CEP170: variants seen among roughly 807,000 people sequenced by gnomAD.
The protein encoded by CEP170 is centrosomal protein 170, also known as centrosomal protein of 170 kDa.
A neutral mutation model predicts 151.9 loss-of-function variants in CEP170; 21 were observed. That is an observed-to-expected ratio of 0.14 (90% confidence interval 0.10 to 0.20). CEP170 has a LOEUF of 0.20. Among genes scored for constraint, CEP170 ranks in the 10% least tolerant of loss-of-function variants. The pLI, the probability that CEP170 is intolerant of heterozygous loss-of-function variation, is 1.00. For missense variants in CEP170, 964 were observed against 1,892.9 expected (o/e 0.51, Z 9.11); for synonymous variants, 356 against 648.8 (o/e 0.55, Z 6.86).
chr1:243,151,125 G>T (rs866935599), intron 14 of CEP170, among the ~76,000 whole-genome samples: 1 of 152,234 alleles, frequency 6.6e-6, no homozygotes, highest in Non-Finnish European at 1.5e-5. Context: ...ACAACGATGA[G>T]TCTAGCCCTC....
intron 1 of CEP170, among the ~76,000 whole-genome samples, chr1:243,252,177 T>C (rs1317500839): frequency 6.6e-6 from 1 of 152,182 alleles, no homozygotes; most frequent in Non-Finnish European, 1.5e-5. Flanking sequence ...ATTCTTCAAA[T>C]GGCACGTAAC....
rs748963035 is a variant in CEP170, at chr1:243,165,613, G to T, written c.2347C>A (p.Gln783Lys). 3.6e-5 allele frequency: 58 copies of T among 1,613,842 alleles called. No individual in the cohort carries two copies. In the Admixed American group the frequency reaches 7.8e-4, roughly 22 times the overall value. Residue 783 changes from glutamine (Q) to lysine (K), a missense_variant, in exon 13 of 20, where the codon CAA (glutamine) becomes AAA (lysine). Coordinates refer to ENST00000366542, the MANE Select transcript of CEP170 (RefSeq NM_014812.3). ...TDKCREETFKQESQPPEKNSG... is the reference protein window; with the variant it reads ...TDKCREETFKKESQPPEKNSG... ...TTTTTTTCTGGAGGTTGTGATTCTT[G>T]TTTAAAAGTTTCCTCCCTACATTTA...
intron 1 of CEP170, among the ~76,000 whole-genome samples, chr1:243,239,455 T>C (rs1342788350): frequency 1.3e-5 from 2 of 152,182 alleles, no homozygotes; most frequent in Non-Finnish European, 2.9e-5. Flanking sequence ...TATCCAGCTA[T>C]CAAAATTACA....
rs141402228 is a variant in CEP170 at position 243,219,064 on chromosome 1, T to C, written c.195+2660A>G. Among the ~76,000 whole-genome samples the C allele has an allele frequency of 2.5e-3, 384 of 152,350 alleles. 4 individuals carry two copies. The highest frequency in any genetic ancestry group is 8.8e-3 in the African/African-American group (366 of 41,586). ...AAAATGCATGATAGTTGGTAGTTCA[T>C]AGACTTTTGACATTTTTTGGCTGCT... On this transcript the variant is annotated intron_variant, in intron 3 of 19. Transcript: ENST00000366542.
chr1:243,159,581 A>AT (rs1482587179), intron 13 of CEP170, among the ~76,000 whole-genome samples: 1 of 152,096 alleles, frequency 6.6e-6, no homozygotes, highest in African/African-American at 2.4e-5. Context: ...ATTTCATAAA[A>AT]TTTTAGAAGA....
intron 3 of CEP170, among the ~76,000 whole-genome samples, chr1:243,215,854 A>C (rs1216994492): frequency 6.6e-6 from 1 of 152,084 alleles, no homozygotes; most frequent in Non-Finnish European, 1.5e-5. Context: ...GCATCACGGA[A>C]CCTGCTGACG....
At chr1:243,153,871 A>C (rs997514656) in intron 14 of CEP170, among the ~76,000 whole-genome samples, 1 of 152,212 alleles carries the variant, frequency 6.6e-6, no homozygotes, top group Admixed American at 6.5e-5. Context: ...TTATCTGTAA[A>C]GCTGGTATTG....
intron 7 of CEP170, among the ~76,000 whole-genome samples, chr1:243,198,335 A>G (rs778477242): frequency 1.3e-5 from 2 of 152,128 alleles, no homozygotes; most frequent in African/African-American, 2.4e-5. Flanking sequence ...AGAAATATCA[A>G]AAATGTGTTC....
chr1:243,221,763 C>G lies in CEP170; in HGVS notation c.156G>C (p.Thr52=). 2 of 1,613,016 alleles carry G rather than the reference C, an allele frequency of 1.2e-6. No individual in the cohort carries two copies. Among genetic ancestry groups the G allele is most frequent in the Non-Finnish European group, 1.7e-6 (2 of 1,179,508 alleles). ...CCAAATCCTTCACTAAATGCTCATC[C>G]GTAGACGCATCATAGTTGATGACAG... ...QHAVINYDAS[T]DEHLVKDLGS... Residue 52 remains threonine, a synonymous_variant, in exon 3 of 20, where the codon ACG becomes ACC. Transcript: ENST00000366542.
At chr1:243,180,697 C>G (rs2059566655) in intron 10 of CEP170, among the ~76,000 whole-genome samples, 1 of 152,166 alleles carries the variant, frequency 6.6e-6, no homozygotes, top group Non-Finnish European at 1.5e-5. Flanking sequence ...CTTGCTGTGA[C>G]TTTCAGGGTT....
intron 14 of CEP170, among the ~76,000 whole-genome samples, chr1:243,143,622 G>A (rs1796846): frequency 0.61 from 92,445 of 151,186 alleles, 30,028 homozygotes; most frequent in African/African-American, 0.85. Flanking sequence ...CCATAAACTC[G>A]ATGTGGCTAT....
intron 14 of CEP170, among the ~76,000 whole-genome samples, chr1:243,152,035 C>T (rs2057132120): frequency 6.6e-6 from 1 of 152,142 alleles, no homozygotes; most frequent in Non-Finnish European, 1.5e-5. Flanking sequence ...GTGTGGTTTA[C>T]TAAATATTTT....
At chr1:243,182,867 T>C (rs2059711581) in intron 10 of CEP170, among the ~76,000 whole-genome samples, 1 of 152,210 alleles carries the variant, frequency 6.6e-6, no homozygotes, top group Non-Finnish European at 1.5e-5. Context: ...CATTTGTTTG[T>C]GTCTCTTTCC....
intron 1 of CEP170, among the ~76,000 whole-genome samples, chr1:243,228,903 A>G (rs1470835796): frequency 6.6e-6 from 1 of 152,234 alleles, no homozygotes; most frequent in African/African-American, 2.4e-5. Flanking sequence ...GAAAAATACA[A>G]ACAAAACACA....
chr1:243,127,313 A>G (rs2053816576), intron 19 of CEP170, among the ~76,000 whole-genome samples: 1 of 152,214 alleles, frequency 6.6e-6, no homozygotes, highest in Non-Finnish European at 1.5e-5. Flanking sequence ...TGCAAAGCCA[A>G]ACAGACTTGC....
chr1:243,159,772 T>TGTGTGTGTGTGTGTGTGTGTGTGTGTGG (rs1279724838), intron 13 of CEP170, among the ~76,000 whole-genome samples: 3 of 149,662 alleles, frequency 2.0e-5, no homozygotes, highest in Non-Finnish European at 4.5e-5. Context: ...TTTGTGTGTG[T>TGTGTGTGTGTGTGTGTGTGTGTGTGTGG]GTGTGTGTGT....
rs531297648 is a variant in CEP170 at position 243,189,763 on chromosome 1, G to A, written c.1108+1255C>T. Among the ~76,000 whole-genome samples the A allele has an allele frequency of 2.6e-5, 4 of 151,992 alleles. No homozygotes were observed. In the South Asian group the frequency reaches 6.2e-4, roughly 24 times the overall value. ...TCAAGGTTCAGCTACCTCTTATACT[G>A]TACTAGGAGATCAATATTATTTATC... On this transcript the variant is annotated intron_variant, in intron 8 of 19. Coordinates refer to ENST00000366542, the MANE Select transcript of CEP170 (RefSeq NM_014812.3).
intron 1 of CEP170, chr1:243,253,306 A>T (rs1440128075): frequency 2.0e-5 from 3 of 152,226 alleles, no homozygotes; most frequent in Admixed American, 6.5e-5. Context: ...GTCACAGCCT[A>T]CTCAGGGAGC....
intron 2 of CEP170, among the ~76,000 whole-genome samples, chr1:243,223,923 G>T (rs1400053418): frequency 6.6e-6 from 1 of 151,988 alleles, no homozygotes; most frequent in Non-Finnish European, 1.5e-5. Flanking sequence ...ATGTGTTTCA[G>T]CACCCATGAC....
Sources: allele counts gnomAD v4.1 joint callset (sites outside exome capture counted in the v4.1 genomes callset), GRCh38; gene constraint gnomAD v4.1.1; transcripts MANE v1.5; gene names NCBI Gene and HGNC (gene_info 2026-07-23, HGNC 2026-07-21).